The following PRKG1 variants were observed in gnomAD, a reference collection of about 807,000 sequenced individuals.
The protein encoded by PRKG1 is protein kinase cGMP-dependent 1.
PRKG1 carries 35 observed loss-of-function variants against 88.1 expected under a neutral mutation model. The observed-to-expected ratio is 0.40, with a 90% CI of 0.30 to 0.53. The LOEUF is 0.53. Among genes scored for constraint, PRKG1 ranks in the 20% least tolerant of loss-of-function variants. The pLI is 0.59. For synonymous variants in PRKG1, 303 were observed against 292.5 expected, an observed-to-expected ratio of 1.04 and a Z score of -0.37; for missense variants, 540 against 839.8, an observed-to-expected ratio of 0.64 and a Z score of 4.41.
rs1393061369 is a variant in PRKG1 at position 52,283,084 on chromosome 10, C to G, written c.1709+768C>G. Among the ~76,000 whole-genome samples, 7 of 152,056 alleles carry G rather than the reference C, an allele frequency of 4.6e-5. No individual in the cohort carries two copies. In the East Asian group the frequency reaches 1.3e-3, roughly 29 times the overall value. On this transcript the variant is annotated intron_variant, in intron 14 of 17. Coordinates refer to ENST00000373980, the MANE Select transcript of PRKG1 (RefSeq NM_006258.4). ...AAGGTTCATGTAAAAAAAACAGGAA[C>G]AGTCATCTTTTGACGATCATGATTG...
intron 4 of PRKG1, among the ~76,000 whole-genome samples, chr10:51,890,599 G>A (rs1841694565): frequency 1.3e-5 from 2 of 152,060 alleles, no homozygotes; most frequent in South Asian, 4.2e-4. Flanking sequence ...TTTTGTAGAA[G>A]GTAAACAATT....
At chr10:51,358,981 G>A (rs956976233) in intron 2 of PRKG1, among the ~76,000 whole-genome samples, 2 of 150,962 alleles carry the variant, frequency 1.3e-5, no homozygotes, top group African/African-American at 2.4e-5. Context: ...ATGTGAAGGT[G>A]TGACTTAAGT....
At chr10:51,791,660 G>A (rs1183070004) in intron 3 of PRKG1, among the ~76,000 whole-genome samples, 2 of 152,012 alleles carry the variant, frequency 1.3e-5, no homozygotes, top group Non-Finnish European at 2.9e-5. Flanking sequence ...ATATAACTCA[G>A]GTATATGAAT....
chr10:51,268,203 G>A (rs936965738), intron 2 of PRKG1, among the ~76,000 whole-genome samples: 16 of 152,244 alleles, frequency 1.1e-4, no homozygotes, highest in African/African-American at 3.6e-4. Context: ...GAGGCAGGGC[G>A]AGATCACAGG....
At chr10:51,918,197 T>C (rs1163695623) in intron 5 of PRKG1, among the ~76,000 whole-genome samples, 1 of 152,188 alleles carries the variant, frequency 6.6e-6, no homozygotes, top group South Asian at 2.1e-4. Flanking sequence ...AATCCGACCC[T>C]GGAATCAGTA....
intron 7 of PRKG1, among the ~76,000 whole-genome samples, chr10:52,114,125 T>C (rs756942132): frequency 2.6e-5 from 4 of 152,108 alleles, no homozygotes; most frequent in African/African-American, 7.2e-5. Flanking sequence ...GTCTATGTTA[T>C]TGCTCAGTTT....
intron 5 of PRKG1, among the ~76,000 whole-genome samples, chr10:51,918,900 C>T (rs1425667272): frequency 1.3e-5 from 2 of 152,030 alleles, no homozygotes; most frequent in African/African-American, 2.4e-5. Flanking sequence ...ACCTAGCTCA[C>T]GGGCTTGTAC....
At chr10:51,653,802 A>G (rs1589163983) in intron 3 of PRKG1, among the ~76,000 whole-genome samples, 1 of 152,152 alleles carries the variant, frequency 6.6e-6, no homozygotes, top group South Asian at 2.1e-4. Flanking sequence ...TCCTGGCCTC[A>G]AGTGATCCAC....
chr10:51,448,000 A>C (rs191371245), intron 2 of PRKG1, among the ~76,000 whole-genome samples: 1 of 152,150 alleles, frequency 6.6e-6, no homozygotes, highest in Non-Finnish European at 1.5e-5. Flanking sequence ...TTGGTCACAA[A>C]AATATGTTTC....
intron 9 of PRKG1, among the ~76,000 whole-genome samples, chr10:52,186,832 G>A (rs185151318): frequency 1.3e-5 from 2 of 152,100 alleles, no homozygotes; most frequent in East Asian, 3.9e-4. Flanking sequence ...TTAGTATCAG[G>A]CATGGAATTT....
At chr10:51,653,287 A>T (rs1404281813) in intron 3 of PRKG1, among the ~76,000 whole-genome samples, 1 of 152,142 alleles carries the variant, frequency 6.6e-6, no homozygotes, top group South Asian at 2.1e-4. Flanking sequence ...CAATCTCCAC[A>T]GTGTTTTTGA....
At chr10:52,024,558 C>T (rs375560501) in intron 5 of PRKG1, among the ~76,000 whole-genome samples, 5 of 152,030 alleles carry the variant, frequency 3.3e-5, no homozygotes, top group African/African-American at 1.2e-4. Context: ...CAATTGCCAC[C>T]TATGAGTGAG....
chr10:51,855,774 GT>G (rs1236489923), intron 4 of PRKG1, among the ~76,000 whole-genome samples: 1 of 152,116 alleles, frequency 6.6e-6, no homozygotes, highest in African/African-American at 2.4e-5. Flanking sequence ...ATTCCTGTCA[GT>G]TTTGTATCCA....
intron 7 of PRKG1, among the ~76,000 whole-genome samples, chr10:52,095,411 T>C (rs963417891): frequency 6.6e-5 from 10 of 152,182 alleles, no homozygotes; most frequent in African/African-American, 1.4e-4. Flanking sequence ...ATAGTACTTA[T>C]ACTTTGATAT....
At chr10:51,446,111 T>G (rs1588965903) in intron 2 of PRKG1, among the ~76,000 whole-genome samples, 1 of 152,092 alleles carries the variant, frequency 6.6e-6, no homozygotes, top group Admixed American at 6.6e-5. Flanking sequence ...ATTTAAGTAG[T>G]TCAATAAAGG....
At chr10:52,060,328 G>A (rs192413447) in intron 6 of PRKG1, among the ~76,000 whole-genome samples, 14 of 151,946 alleles carry the variant, frequency 9.2e-5, no homozygotes, top group Admixed American at 6.6e-4. Flanking sequence ...ATTATCTTGG[G>A]ATAAGAAAGG....
At position 52,258,950 on chromosome 10, in the gene PRKG1, G is replaced by T. The variant is rs1841369327; in HGVS notation, c.1173+7284G>T. On this transcript the variant is annotated intron_variant, in intron 10 of 17. Coordinates refer to ENST00000373980, the MANE Select transcript of PRKG1 (RefSeq NM_006258.4). The stretch of plus-strand genomic sequence containing the variant: ...AACAGATGGGGAAAGGCCATTCTGA[G>T]AAAAGGCCATTCCAGGCAAGGGTTA... Among the ~76,000 whole-genome samples, 3 of 151,914 alleles carry T rather than the reference G, an allele frequency of 2.0e-5. No homozygotes were observed. In the South Asian group the frequency reaches 6.2e-4, roughly 32 times the overall value.
intron 1 of PRKG1, among the ~76,000 whole-genome samples, chr10:51,120,062 G>T (rs1273061195): frequency 6.6e-6 from 1 of 152,046 alleles, no homozygotes; most frequent in African/African-American, 2.4e-5. Flanking sequence ...TGTTTGTAAG[G>T]CTTATTGAGA....
At chr10:51,698,932 C>A in intron 3 of PRKG1, 1 of 1,614,234 alleles carries the variant, frequency 6.2e-7, no homozygotes, top group South Asian at 1.1e-5. Context: ...CAGACACAGA[C>A]TGAGATTTGC....
Sources: allele counts gnomAD v4.1 joint callset (sites outside exome capture counted in the v4.1 genomes callset), GRCh38; gene constraint gnomAD v4.1.1; transcripts MANE v1.5; gene names NCBI Gene and HGNC (gene_info 2026-07-23, HGNC 2026-07-21).